Variants in SRSF4 observed in about 807,000 individuals in gnomAD.
SRSF4 encodes serine/arginine-rich splicing factor 4.
SRSF4 carries 12 observed loss-of-function variants against 48.8 expected under a neutral mutation model. The observed-to-expected ratio is 0.25, with a 90% confidence interval of 0.16 to 0.40. The LOEUF (loss-of-function observed/expected upper bound fraction) is 0.40. SRSF4 is among the 10% of genes least tolerant of loss of function. The pLI is 1.00. For missense variants in SRSF4, 466 were observed against 667.1 expected (o/e 0.70, Z 3.32); for synonymous variants, 248 against 232.5 (o/e 1.07, Z -0.61).
At position 29,181,660 on chromosome 1, in the gene SRSF4, C is replaced by G. The variant is rs760981441; in HGVS notation, c.93G>C (p.Val31=). ...GCCCTCCTCACCCGTTCTTCAGATC[C>G]ACCTCCAGGATCTTCCCGTAGCCCT... ...FFKGYGKILE[V]DLKNGYGFVE... Residue 31 remains valine, a synonymous_variant, in exon 1 of 6, where the codon GTG becomes GTC. Coordinates refer to ENST00000373795, the MANE Select transcript of SRSF4 (RefSeq NM_005626.5). 3 of 1,592,554 alleles carry G rather than the reference C, an allele frequency of 1.9e-6. No homozygotes were observed. The highest frequency in any genetic ancestry group is 2.6e-6 in the Non-Finnish European group (3 of 1,171,142).
chr1:29,171,132 C>G (rs1672739497), intron 1 of SRSF4: 1 of 152,106 alleles, frequency 6.6e-6, no homozygotes, highest in Non-Finnish European at 1.5e-5. Context: ...CCTTCCTCAG[C>G]CAACCACGAT....
intron 4 of SRSF4, among the ~76,000 whole-genome samples, chr1:29,153,931 C>T (rs953905380): frequency 6.6e-6 from 1 of 151,754 alleles, no homozygotes; most frequent in African/African-American, 2.4e-5. Flanking sequence ...TGGAGTCTCC[C>T]TGTCGCCCAG....
At chr1:29,180,773 T>C (rs988443086) in intron 1 of SRSF4, among the ~76,000 whole-genome samples, 3 of 152,222 alleles carry the variant, frequency 2.0e-5, no homozygotes, top group Non-Finnish European at 4.4e-5. Flanking sequence ...CAGTTTTCCC[T>C]AAAACCTGTA....
intron 1 of SRSF4, among the ~76,000 whole-genome samples, chr1:29,174,505 A>T (rs1223989799): frequency 6.6e-6 from 1 of 152,132 alleles, no homozygotes; most frequent in Non-Finnish European, 1.5e-5. Flanking sequence ...AGTACTATGT[A>T]GCCATTAGAA....
At chr1:29,150,007 G>A in intron 5 of SRSF4, 96 bp downstream of exon 5, 1 of 1,026,590 alleles carries the variant, frequency 9.7e-7, no homozygotes, top group East Asian at 2.5e-5. Flanking sequence ...CAGCTTGGGT[G>A]ACAGAGTGTC....
chr1:29,176,749 G>A (rs1672862398), intron 1 of SRSF4, among the ~76,000 whole-genome samples: 1 of 152,012 alleles, frequency 6.6e-6, no homozygotes, highest in South Asian at 2.1e-4. Flanking sequence ...AAAAAATTAT[G>A]GTGCATTAAA....
intron 1 of SRSF4, among the ~76,000 whole-genome samples, chr1:29,177,893 ATTTTTTTTTTTT>A (rs397979781): frequency 1.1e-5 from 1 of 93,636 alleles, no homozygotes; most frequent in Non-Finnish European, 2.0e-5. Context: ...ATTACACAAG[ATTTTTTTTTTTT>A]TTTTTTTTTT....
chr1:29,175,492 G>A (rs959736340), intron 1 of SRSF4, among the ~76,000 whole-genome samples: 36 of 148,760 alleles, frequency 2.4e-4, no homozygotes, highest in Non-Finnish European at 3.9e-4. Context: ...TCAGGAGATC[G>A]AGACCATCCT....
At position 29,149,209 on chromosome 1, in the gene SRSF4, C is replaced by T. The variant is rs539657602; in HGVS notation, c.686G>A (p.Arg229Gln). The change falls in exon 6 of 6, where the codon CGG becomes CAG. Residue 229 changes from arginine (R) to glutamine (Q), a missense_variant. This residue lies in a region of SRSF4 where 402 missense variants were observed against 437.0 expected (regional missense o/e 0.92). Coordinates refer to ENST00000373795, the MANE Select transcript of SRSF4 (RefSeq NM_005626.5). ...RSRSRSGSRS[R>Q]SKSRSRSQSR... ...CTGGCTCCGGCTCCGGCTCTTGCTCCGGGAGCGGGAGCCCGACCTGAGGAG... is the reference window on the plus strand; with the variant it reads ...CTGGCTCCGGCTCCGGCTCTTGCTCTGGGAGCGGGAGCCCGACCTGAGGAG... 1.6e-5 allele frequency: 25 copies of T among 1,608,014 alleles called. No homozygotes were observed. Among genetic ancestry groups the T allele is most frequent in the African/African-American group, 1.1e-4 (8 of 74,958 alleles).
intron 1 of SRSF4, among the ~76,000 whole-genome samples, chr1:29,176,506 A>G (rs1379327880): frequency 1.3e-5 from 2 of 150,048 alleles, no homozygotes; most frequent in Non-Finnish European, 3.0e-5. Flanking sequence ...AAAAAAAAGA[A>G]AAAAATACTG....
chr1:29,175,539 CA>C (rs1423393686), intron 1 of SRSF4, among the ~76,000 whole-genome samples: 3 of 148,186 alleles, frequency 2.0e-5, no homozygotes, highest in South Asian at 4.4e-4. Flanking sequence ...ACTAAAAATA[CA>C]AAAAATTAGC....
chr1:29,162,951 C>CT (rs900189965), intron 1 of SRSF4, among the ~76,000 whole-genome samples: 92 of 152,324 alleles, frequency 6.0e-4, no homozygotes, highest in African/African-American at 1.9e-3. Context: ...GTAATACATT[C>CT]TCCCAGACTC....
chr1:29,150,223 C>G (rs1286569423), intron 4 of SRSF4, 31 bp from the exon 5 acceptor site: 2 of 1,545,912 alleles, frequency 1.3e-6, no homozygotes, highest in East Asian at 4.5e-5. Context: ...TTAATACTTG[C>G]TGACAAGAGG....
At chr1:29,173,130 C>CTTTTTTTT (rs71586892) in intron 1 of SRSF4, 14 of 78,562 alleles carry the variant, frequency 1.8e-4, no homozygotes, top group African/African-American at 2.6e-4. Context: ...GTCAAAAAGG[C>CTTTTTTTT]TTTTTTTTTT....
At chr1:29,168,790 GTGAA>G (rs1479999918) in intron 1 of SRSF4, 4 of 152,196 alleles carry the variant, frequency 2.6e-5, no homozygotes, top group African/African-American at 7.2e-5. Flanking sequence ...CGTGGTGGAT[GTGAA>G]TGAATATTGG....
intron 1 of SRSF4, among the ~76,000 whole-genome samples, chr1:29,167,150 T>C (rs1574197897): frequency 2.0e-5 from 3 of 152,242 alleles, no homozygotes; most frequent in Non-Finnish European, 4.4e-5. Context: ...GTCTTTTGCA[T>C]TGTGTCAGGA....
intron 1 of SRSF4, chr1:29,170,856 T>C (rs1172442298): frequency 1.3e-5 from 2 of 152,272 alleles, no homozygotes; most frequent in East Asian, 3.9e-4. Context: ...GAAGGTCCCC[T>C]TTCTGGCATA....
At chr1:29,179,070 GTCCT>G (rs1246668370) in intron 1 of SRSF4, among the ~76,000 whole-genome samples, 1 of 152,106 alleles carries the variant, frequency 6.6e-6, no homozygotes, top group East Asian at 1.9e-4. Flanking sequence ...GGTATTTAGG[GTCCT>G]GAAAGGCTCT....
At chr1:29,179,528 TAA>T (rs920009428) in intron 1 of SRSF4, among the ~76,000 whole-genome samples, 1 of 152,046 alleles carries the variant, frequency 6.6e-6, no homozygotes, top group Non-Finnish European at 1.5e-5. Flanking sequence ...CGTGGCTAAT[TAA>T]AAAAATTTTT....
Sources: gnomAD v4.1 joint callset for allele counts (sites outside exome capture counted in the v4.1 genomes callset) on GRCh38, gnomAD v4.1.1 for gene constraint, gnomAD v4.1.1 regional missense constraint, MANE v1.5 for transcripts, NCBI Gene and HGNC (gene_info 2026-07-23, HGNC 2026-07-21) for gene names.